Variants in PRUNE2 observed in about 807,000 individuals in gnomAD.
PRUNE2 encodes prune homolog 2 with BCH domain.
In PRUNE2, 164 loss-of-function variants were observed where a neutral mutation model predicts 252.0. The observed-to-expected ratio is 0.65, with a 90% confidence interval of 0.57 to 0.74. PRUNE2 has a LOEUF of 0.74. Ranked by LOEUF, PRUNE2 falls within the 30% of genes least tolerant of loss-of-function variation. The pLI is 0.00. For synonymous variants in PRUNE2, 1,292 were observed against 1,350.2 expected (o/e 0.96, Z 0.94); for missense variants, 3,495 against 3,711.0 (o/e 0.94, Z 1.51).
At chr9:76,752,960 C>A (rs2050764251) in intron 6 of PRUNE2, among the ~76,000 whole-genome samples, 1 of 152,156 alleles carries the variant, frequency 6.6e-6, no homozygotes, top group Non-Finnish European at 1.5e-5. Context: ...TTGCTTTTAA[C>A]CTCATCTATT....
chr9:76,668,294 T>C lies in PRUNE2; in HGVS notation c.8277-12792A>G, dbSNP rs185817878. On this transcript the variant is annotated intron_variant, in intron 9 of 18. Transcript: ENST00000376718. ...TTCAAAAACAGTCTGAATTTGATGA[T>C]CATGCAAACACGAAATAATTAAAAA... Among the ~76,000 whole-genome samples, 535 of 152,356 alleles carry C rather than the reference T, an allele frequency of 3.5e-3. 1 individual carries two copies. The highest frequency in any genetic ancestry group is 0.012 in the African/African-American group (512 of 41,586).
chr9:76,647,148 T>C (rs1430060273), intron 11 of PRUNE2, among the ~76,000 whole-genome samples: 1 of 152,202 alleles, frequency 6.6e-6, no homozygotes, highest in Non-Finnish European at 1.5e-5. Context: ...TGCACTCCTG[T>C]CTGGGTGACA....
intron 6 of PRUNE2, among the ~76,000 whole-genome samples, chr9:76,774,461 T>TTTTA (rs1564272749): frequency 1.7e-4 from 13 of 74,830 alleles, no homozygotes; most frequent in Non-Finnish European, 2.8e-4. Context: ...TTTTTTTTTT[T>TTTTA]TTTTTTTTTT....
At chr9:76,619,913 G>T (rs1831416230) in intron 17 of PRUNE2, among the ~76,000 whole-genome samples, 1 of 152,328 alleles carries the variant, frequency 6.6e-6, no homozygotes, top group South Asian at 2.1e-4. Flanking sequence ...CTGTGTCCAG[G>T]TGATACAAAT....
intron 9 of PRUNE2, 117 bp downstream of exon 9, chr9:76,703,220 T>C (rs2046036695): frequency 1.2e-5 from 10 of 844,134 alleles, no homozygotes; most frequent in South Asian, 2.1e-5. Context: ...TTGCATTCAA[T>C]ATAAGCAAAG....
chr9:76,627,331 T>C (rs1835356674), intron 16 of PRUNE2, among the ~76,000 whole-genome samples: 3 of 151,804 alleles, frequency 2.0e-5, no homozygotes, highest in Admixed American at 2.0e-4. Flanking sequence ...AGGCTGGTCT[T>C]GAACTCCTGG....
chr9:76,752,570 CTT>C (rs2050734382), intron 6 of PRUNE2, among the ~76,000 whole-genome samples: 1 of 151,968 alleles, frequency 6.6e-6, no homozygotes, highest in African/African-American at 2.4e-5. Flanking sequence ...TCTCCTTAAC[CTT>C]TTTTCTATAA....
intron 6 of PRUNE2, among the ~76,000 whole-genome samples, chr9:76,771,510 A>G (rs939295577): frequency 2.0e-5 from 3 of 152,224 alleles, no homozygotes; most frequent in African/African-American, 7.2e-5. Flanking sequence ...AGGCAGGTAC[A>G]ATGAGGAAGA....
chr9:76,649,938 C>CAT (rs1554796394), intron 11 of PRUNE2, among the ~76,000 whole-genome samples: 17 of 147,132 alleles, frequency 1.2e-4, no homozygotes, highest in South Asian at 2.2e-4. Flanking sequence ...GTAACGCTTA[C>CAT]TTTTTTTTTT....
intron 9 of PRUNE2, among the ~76,000 whole-genome samples, chr9:76,663,975 A>G (rs2039637246): frequency 6.6e-6 from 1 of 152,220 alleles, no homozygotes; most frequent in East Asian, 1.9e-4. Flanking sequence ...AACATGTTCA[A>G]AACCTAATCC....
chr9:76,859,473 C>A (rs1322076234), intron 1 of PRUNE2, among the ~76,000 whole-genome samples: 1 of 151,932 alleles, frequency 6.6e-6, no homozygotes. Context: ...CCTTCCTCCA[C>A]AGGCTTAGAA....
chr9:76,676,797 C>A (rs1445772974), intron 9 of PRUNE2, among the ~76,000 whole-genome samples: 1 of 152,146 alleles, frequency 6.6e-6, no homozygotes, highest in African/African-American at 2.4e-5. Context: ...GCCACATAAT[C>A]GGGGCTCCTG....
chr9:76,841,205 C>A (rs1317487109), intron 4 of PRUNE2, among the ~76,000 whole-genome samples: 2 of 152,058 alleles, frequency 1.3e-5, no homozygotes, highest in East Asian at 3.9e-4. Flanking sequence ...ACCCAGGAAG[C>A]ACAAGGGGTC....
chr9:76,703,720 C>G lies in PRUNE2; in HGVS notation c.7893G>C (p.Gln2631His), dbSNP rs1235362949. 8 of 1,613,692 alleles carry G rather than the reference C, an allele frequency of 5.0e-6. No individual in the cohort carries two copies. The highest frequency in any genetic ancestry group is 6.8e-6 in the Non-Finnish European group (8 of 1,179,888). The change falls in exon 9 of 19, where the codon CAG becomes CAC. Residue 2631 changes from glutamine (Q) to histidine (H), a missense_variant. Coordinates refer to ENST00000376718, the MANE Select transcript of PRUNE2 (RefSeq NM_015225.3). ...RSSFESPAQD[Q>H]SWMFLGHSEV... ...CACTATGGCCCAAGAACATCCAACT[C>G]TGGTCTTGTGCAGGGCTTTCAAAAG...
At chr9:76,696,946 A>G (rs1472414075) in intron 9 of PRUNE2, among the ~76,000 whole-genome samples, 2 of 152,208 alleles carry the variant, frequency 1.3e-5, no homozygotes, top group Non-Finnish European at 2.9e-5. Context: ...TGGGCTACGC[A>G]CTATTCCTTG....
intron 18 of PRUNE2, among the ~76,000 whole-genome samples, chr9:76,617,001 A>AAATAAATAAATAAAT (rs1480672736): frequency 6.8e-6 from 1 of 146,550 alleles, no homozygotes; most frequent in African/African-American, 2.7e-5. Context: ...AATAAATAAA[A>AAATAAATAAATAAAT]GTATCCTTTT....
chr9:76,696,872 G>T (rs567519908), intron 9 of PRUNE2, among the ~76,000 whole-genome samples: 2 of 152,176 alleles, frequency 1.3e-5, no homozygotes. Flanking sequence ...CTGGGTTCTG[G>T]TCATCACTCT....
chr9:76,825,376 C>T (rs2058285026), intron 5 of PRUNE2, among the ~76,000 whole-genome samples: 1 of 152,192 alleles, frequency 6.6e-6, no homozygotes, highest in Non-Finnish European at 1.5e-5. Flanking sequence ...ACAGAGTTTA[C>T]ACTCTTTCTC....
chr9:76,809,379 C>A (rs546177718), intron 6 of PRUNE2, among the ~76,000 whole-genome samples: 2 of 152,190 alleles, frequency 1.3e-5, no homozygotes, highest in African/African-American at 4.8e-5. Flanking sequence ...TTAATTGGTA[C>A]AATGTATGTC....
Sources: allele counts gnomAD v4.1 joint callset (sites outside exome capture counted in the v4.1 genomes callset), GRCh38; gene constraint gnomAD v4.1.1; transcripts MANE v1.5; gene names NCBI Gene and HGNC (gene_info 2026-07-23, HGNC 2026-07-21).